Variants in FOXP1 observed in about 807,000 individuals in gnomAD.
FOXP1 encodes forkhead box P1.
A neutral mutation model predicts 98.2 loss-of-function variants in FOXP1; 15 were observed. The observed-to-expected ratio is 0.15, with a 90% CI of 0.10 to 0.24. The LOEUF is 0.24. Ranked by LOEUF, FOXP1 falls within the 10% of genes least tolerant of loss-of-function variation. The pLI is 1.00. For synonymous variants in FOXP1, 371 were observed against 314.5 expected (o/e 1.18, Z -1.90); for missense variants, 633 against 848.5 (o/e 0.75, Z 3.15).
At chr3:71,063,597 ACTTC>A (rs1313760401) in intron 7 of FOXP1, among the ~76,000 whole-genome samples, 13 of 152,250 alleles carry the variant, frequency 8.5e-5, no homozygotes, top group African/African-American at 3.1e-4. Flanking sequence ...CTTAACACTG[ACTTC>A]CTAATGATAA....
At chr3:71,149,035 C>T (rs1371674365) in intron 6 of FOXP1, among the ~76,000 whole-genome samples, 1 of 152,190 alleles carries the variant, frequency 6.6e-6, no homozygotes, top group East Asian at 1.9e-4. Context: ...AGACAACGTG[C>T]TTGTACAGTT....
upstream of FOXP1, chr3:71,583,733 T>A: frequency 1.0e-6 from 1 of 985,156 alleles, no homozygotes; most frequent in Non-Finnish European, 1.2e-6. Flanking sequence ...GAGTACAGCG[T>A]GCAACCGCCA....
rs75906084 is a variant in FOXP1 at position 71,049,179 on chromosome 3, G to C, written c.511-2084C>G. On this transcript the variant is annotated intron_variant, in intron 9 of 20. Transcript: ENST00000649528. ...ATGCTAAAATGCCCTGATAAACCTC[G>C]AGTTTCGGATCCCCTCCCTAGAGCT... Among the ~76,000 whole-genome samples, 1,454 of 152,160 alleles carry C rather than the reference G, an allele frequency of 9.6e-3. 19 individuals are homozygous for C. Among genetic ancestry groups the C allele is most frequent in the African/African-American group, 0.026 (1,069 of 41,524 alleles).
intron 4 of FOXP1, among the ~76,000 whole-genome samples, chr3:71,315,747 GTTAAGAGGAGAT>G (rs755428228): frequency 6.6e-6 from 1 of 152,166 alleles, no homozygotes; most frequent in Non-Finnish European, 1.5e-5. Context: ...CATCAGTCAT[GTTAAGAGGAGAT>G]TTAAGAGGAG....
chr3:71,198,179 C>T (rs2063413156), intron 6 of FOXP1, 23 bp downstream of exon 6: 1 of 1,614,072 alleles, frequency 6.2e-7, no homozygotes, highest in African/African-American at 1.3e-5. Context: ...ACCTCCACCT[C>T]CCAAGACTCC....
intron 4 of FOXP1, among the ~76,000 whole-genome samples, chr3:71,352,518 A>C (rs2077866114): frequency 6.6e-6 from 1 of 150,674 alleles, no homozygotes; most frequent in African/African-American, 2.4e-5. Context: ...AGGGGAAGGA[A>C]TTTCTAGGTC....
chr3:71,286,574 T>A (rs1448631053), intron 5 of FOXP1, among the ~76,000 whole-genome samples: 1 of 152,124 alleles, frequency 6.6e-6, no homozygotes, highest in Non-Finnish European at 1.5e-5. Context: ...TGACTGATAT[T>A]TGGGATAAAT....
intron 2 of FOXP1, among the ~76,000 whole-genome samples, chr3:71,530,942 G>A (rs2043794622): frequency 1.3e-5 from 2 of 152,116 alleles, no homozygotes; most frequent in African/African-American, 4.8e-5. Context: ...TTCCCATTCT[G>A]CCCCCAAATG....
intron 3 of FOXP1, among the ~76,000 whole-genome samples, chr3:71,491,979 T>C (rs2091091463): frequency 6.6e-6 from 1 of 152,142 alleles, no homozygotes; most frequent in Non-Finnish European, 1.5e-5. Flanking sequence ...AAAGAACCAC[T>C]GAATGATGAC....
chr3:71,484,587 G>A (rs769734900), intron 3 of FOXP1, among the ~76,000 whole-genome samples: 38 of 152,194 alleles, frequency 2.5e-4, no homozygotes, highest in Admixed American at 6.5e-4. Flanking sequence ...AGCCAATAGT[G>A]TGGATGACAC....
intron 3 of FOXP1, among the ~76,000 whole-genome samples, chr3:71,490,631 C>T (rs1025311280): frequency 1.3e-5 from 2 of 152,056 alleles, no homozygotes; most frequent in Non-Finnish European, 2.9e-5. Context: ...CTAAGAACTG[C>T]CTTATTTACA....
chr3:70,979,963 A>AT (rs2038526967), intron 14 of FOXP1, among the ~76,000 whole-genome samples: 2 of 152,160 alleles, frequency 1.3e-5, no homozygotes, highest in Non-Finnish European at 2.9e-5. Context: ...TTTCCTTTTT[A>AT]TTTTCAGCGT....
chr3:71,042,014 A>G (rs1390782771), intron 10 of FOXP1, among the ~76,000 whole-genome samples: 2 of 152,226 alleles, frequency 1.3e-5, no homozygotes, highest in African/African-American at 4.8e-5. Context: ...ACTTTTAGAC[A>G]TAAATTATGA....
At chr3:71,224,589 C>G (rs141424699) in intron 5 of FOXP1, among the ~76,000 whole-genome samples, 1 of 152,136 alleles carries the variant, frequency 6.6e-6, no homozygotes, top group Non-Finnish European at 1.5e-5. Flanking sequence ...CAGCAAAAAA[C>G]CAGTGAGACT....
chr3:71,290,304 A>ATATCCC (rs1196425673), intron 5 of FOXP1, among the ~76,000 whole-genome samples: 5 of 152,230 alleles, frequency 3.3e-5, no homozygotes, highest in African/African-American at 1.2e-4. Context: ...CCTATTGATT[A>ATATCCC]TATCCCGTCA....
chr3:71,412,023 C>T (rs1183350755), intron 3 of FOXP1, among the ~76,000 whole-genome samples: 1 of 152,196 alleles, frequency 6.6e-6, no homozygotes, highest in Non-Finnish European at 1.5e-5. Flanking sequence ...ATTAAAAGCG[C>T]AAGTGCTTCT....
chr3:70,967,880 G>C (rs1348218711), intron 19 of FOXP1, among the ~76,000 whole-genome samples: 1 of 151,892 alleles, frequency 6.6e-6, no homozygotes, highest in African/African-American at 2.4e-5. Context: ...TCCAAGGTCA[G>C]AATGTGGCAA....
chr3:71,407,320 G>A (rs568294770), intron 3 of FOXP1, among the ~76,000 whole-genome samples: 7 of 152,134 alleles, frequency 4.6e-5, no homozygotes, highest in African/African-American at 1.2e-4. Flanking sequence ...GGGGGGTGGC[G>A]GGAACACACA....
intron 2 of FOXP1, among the ~76,000 whole-genome samples, chr3:71,569,658 TAG>T (rs1049287800): frequency 2.0e-5 from 3 of 152,066 alleles, no homozygotes; most frequent in East Asian, 1.9e-4. Context: ...CACATACACA[TAG>T]AGAGAGAGAA....
Sources: gnomAD v4.1 joint callset for allele counts (sites outside exome capture counted in the v4.1 genomes callset) on GRCh38, gnomAD v4.1.1 for gene constraint, MANE v1.5 for transcripts, NCBI Gene and HGNC (gene_info 2026-07-23, HGNC 2026-07-21) for gene names.